R3HDM1: variants seen among roughly 807,000 people sequenced by gnomAD.
R3HDM1 encodes the protein R3H domain containing 1, also known as R3H domain-containing protein 1.
R3HDM1 carries 46 observed loss-of-function variants against 141.1 expected under a neutral mutation model. The observed-to-expected ratio is 0.33, with a 90% CI of 0.26 to 0.42. The LOEUF is 0.42. Among genes scored for constraint, R3HDM1 ranks in the 10% least tolerant of loss-of-function variants. R3HDM1 has a pLI of 1.00. For missense variants in R3HDM1, 1,184 were observed against 1,368.3 expected, an observed-to-expected ratio of 0.87 and a Z score of 2.12; for synonymous variants, 435 against 472.9, an observed-to-expected ratio of 0.92 and a Z score of 1.04.
chr2:135,710,173 G>C lies in R3HDM1; in HGVS notation c.2678G>C (p.Cys893Ser). 1 of 1,614,160 alleles carries C rather than the reference G, an allele frequency of 6.2e-7. No individual in the cohort carries two copies. Among genetic ancestry groups the C allele is most frequent in the South Asian group, 1.1e-5 (1 of 91,082 alleles). ...PPQWKQNKYYCDHQRGQKCVE... is the reference protein window; with the variant it reads ...PPQWKQNKYYSDHQRGQKCVE... ...CAGTGGAAACAAAACAAATATTACT[G>C]TGATCACCAGAGAGGACAGAAGTGT... The change falls in exon 23 of 27, where the codon TGT becomes TCT. Residue 893 changes from cysteine to serine, a missense_variant. By Grantham distance (112) the Cys-to-Ser change is moderately radical (BLOSUM62 -1). Transcript: ENST00000683871.
intron 20 of R3HDM1, among the ~76,000 whole-genome samples, chr2:135,679,028 G>A (rs1386953784): frequency 1.3e-5 from 2 of 148,216 alleles, no homozygotes; most frequent in African/African-American, 5.0e-5. Flanking sequence ...CAAAGTGCTG[G>A]GATTATAGGT....
At chr2:135,663,667 A>T (rs1372381504) in intron 19 of R3HDM1, among the ~76,000 whole-genome samples, 1 of 152,144 alleles carries the variant, frequency 6.6e-6, no homozygotes. Flanking sequence ...GGGGATTTGA[A>T]CTCTTTTTTA....
In R3HDM1 at chr2:135,680,230, A is replaced by G; in HGVS notation, c.2365A>G (p.Met789Val). Residue 789 changes from methionine (M) to valine (V), a missense_variant, in exon 21 of 27, where the codon ATG (methionine) becomes GTG (valine). By Grantham distance (21) the Met-to-Val change is conservative. Coordinates refer to ENST00000683871, the MANE Select transcript of R3HDM1 (RefSeq NM_001378107.1). ...IPHQTYQQPV[M>V]FPNQSNQGSM... is the part of the protein sequence containing the mutation. Reference sequence around the variant, plus strand: ...CCATCAGACTTATCAACAGCCTGTTATGTTCCCTAATCAGTCTAATCAAGG... The same window carrying G: ...CCATCAGACTTATCAACAGCCTGTTGTGTTCCCTAATCAGTCTAATCAAGG... The G allele has an allele frequency of 6.2e-7, 1 of 1,613,516 alleles. No homozygotes were observed. Among genetic ancestry groups the G allele is most frequent in the Non-Finnish European group, 8.5e-7 (1 of 1,179,438 alleles).
intron 1 of R3HDM1, among the ~76,000 whole-genome samples, chr2:135,556,734 G>C (rs1337087336): frequency 2.0e-5 from 3 of 151,956 alleles, no homozygotes; most frequent in Non-Finnish European, 2.9e-5. Context: ...TAGCCAGGAT[G>C]GTCTCAATCT....
intron 1 of R3HDM1, among the ~76,000 whole-genome samples, chr2:135,563,920 A>G (rs1174786239): frequency 6.6e-6 from 1 of 152,146 alleles, no homozygotes; most frequent in Non-Finnish European, 1.5e-5. Flanking sequence ...AGGAGCTTAC[A>G]ATCATAGGGA....
intron 1 of R3HDM1, chr2:135,550,257 T>G: frequency 1.0e-6 from 1 of 972,664 alleles, no homozygotes; most frequent in African/African-American, 1.8e-5. Context: ...TAAAGGGTGT[T>G]TTTAGTCTAG....
chr2:135,706,967 C>T (rs1220758608), intron 21 of R3HDM1, among the ~76,000 whole-genome samples: 1 of 152,028 alleles, frequency 6.6e-6, no homozygotes, highest in Non-Finnish European at 1.5e-5. Flanking sequence ...GGCAGAGGCG[C>T]CCCTCACCTC....
chr2:135,654,015 A>G (rs2065465601), intron 18 of R3HDM1, among the ~76,000 whole-genome samples: 1 of 152,166 alleles, frequency 6.6e-6, no homozygotes, highest in African/African-American at 2.4e-5. Context: ...TGAACATTTT[A>G]GTTGCATTTA....
chr2:135,588,393 C>T (rs1037889582), intron 1 of R3HDM1, among the ~76,000 whole-genome samples: 8 of 152,056 alleles, frequency 5.3e-5, no homozygotes, highest in Non-Finnish European at 1.0e-4. Context: ...TCCCACCCTA[C>T]TCCCAGATCT....
At chr2:135,651,260 G>T (rs1185880982) in intron 17 of R3HDM1, 43 of 985,114 alleles carry the variant, frequency 4.4e-5, no homozygotes, top group Admixed American at 6.1e-5. Context: ...CGTGGTTAGG[G>T]ATACAAAAAT....
intron 1 of R3HDM1, among the ~76,000 whole-genome samples, chr2:135,575,303 C>T (rs989568742): frequency 6.6e-6 from 1 of 152,222 alleles, no homozygotes; most frequent in African/African-American, 2.4e-5. Flanking sequence ...CTGCCTCAGC[C>T]TCCAAAATAG....
chr2:135,640,163 A>G (rs990861877), intron 14 of R3HDM1, among the ~76,000 whole-genome samples: 12 of 152,160 alleles, frequency 7.9e-5, no homozygotes, highest in Admixed American at 6.5e-4. Context: ...GAGCCTAAAC[A>G]TAAGGTATTG....
chr2:135,614,887 C>T (rs1182278549), intron 3 of R3HDM1, among the ~76,000 whole-genome samples: 1 of 151,044 alleles, frequency 6.6e-6, no homozygotes, highest in Non-Finnish European at 1.5e-5. Flanking sequence ...ATTTATTTTA[C>T]TTTTATTGTT....
chr2:135,630,076 G>A (rs2062492333), intron 7 of R3HDM1, among the ~76,000 whole-genome samples: 1 of 149,262 alleles, frequency 6.7e-6, no homozygotes, highest in African/African-American at 2.5e-5. Context: ...AAAAACCTTC[G>A]AGACCAGCCT....
At chr2:135,669,904 T>C (rs1321386090) in intron 19 of R3HDM1, among the ~76,000 whole-genome samples, 1 of 152,126 alleles carries the variant, frequency 6.6e-6, no homozygotes, top group African/African-American at 2.4e-5. Context: ...TTCGGGAGAC[T>C]GAGGTGGTCC....
chr2:135,618,285 C>A (rs146396261), intron 5 of R3HDM1, among the ~76,000 whole-genome samples: 4 of 151,326 alleles, frequency 2.6e-5, no homozygotes, highest in Non-Finnish European at 4.4e-5. Flanking sequence ...CTCAGCCTGC[C>A]GAGTAGCTGG....
intron 1 of R3HDM1, among the ~76,000 whole-genome samples, chr2:135,549,194 T>C (rs1699326185): frequency 6.6e-6 from 1 of 152,200 alleles, no homozygotes; most frequent in Admixed American, 6.5e-5. Flanking sequence ...ATGCAGCATA[T>C]GAAGTCATTT....
chr2:135,544,225 G>T (rs938391174), intron 1 of R3HDM1, among the ~76,000 whole-genome samples: 4 of 152,138 alleles, frequency 2.6e-5, no homozygotes, highest in Admixed American at 1.3e-4. Context: ...ACAAATAGTT[G>T]GGAAATGAGA....
intron 5 of R3HDM1, chr2:135,620,155 G>C (rs1047987574): frequency 3.9e-6 from 1 of 255,776 alleles, no homozygotes; most frequent in Non-Finnish European, 6.1e-6. Context: ...CTAGTTACTG[G>C]AAGTGCCTTT....
Sources: gnomAD v4.1 joint callset for allele counts (sites outside exome capture counted in the v4.1 genomes callset) on GRCh38, gnomAD v4.1.1 for gene constraint, MANE v1.5 for transcripts, NCBI Gene and HGNC (gene_info 2026-07-23, HGNC 2026-07-21) for gene names.